CTNND2: variants seen among roughly 807,000 people sequenced by gnomAD.
The protein encoded by CTNND2 is catenin delta 2, also known as catenin delta-2.
A neutral mutation model predicts 144.4 loss-of-function variants in CTNND2; 22 were observed. That is an observed-to-expected ratio of 0.15 (90% confidence interval 0.11 to 0.22). The LOEUF is 0.22. Ranked by LOEUF, CTNND2 falls within the 10% of genes least tolerant of loss-of-function variation. The probability of loss-of-function intolerance (pLI) is 1.00; values close to 1 mark genes in which losing one functional copy is unlikely to be tolerated. For missense variants in CTNND2, 1,353 were observed against 1,618.8 expected, an observed-to-expected ratio of 0.84 and a Z score of 2.82; for synonymous variants, 751 against 695.6, an observed-to-expected ratio of 1.08 and a Z score of -1.25.
intron 1 of CTNND2, among the ~76,000 whole-genome samples, chr5:11,816,154 C>T (rs1353478887): frequency 6.6e-6 from 1 of 152,216 alleles, no homozygotes; most frequent in Non-Finnish European, 1.5e-5. Flanking sequence ...AACCTACAAA[C>T]ACATGCAGTG....
At chr5:11,105,196 G>A (rs889291647) in intron 14 of CTNND2, among the ~76,000 whole-genome samples, 3 of 152,220 alleles carry the variant, frequency 2.0e-5, no homozygotes, top group Admixed American at 6.5e-5. Context: ...GGAAACCTGG[G>A]ACATGGCCGT....
chr5:11,123,739 C>A (rs77406043), intron 12 of CTNND2, among the ~76,000 whole-genome samples: 1 of 152,230 alleles, frequency 6.6e-6, no homozygotes, highest in African/African-American at 2.4e-5. Context: ...TGGTCTCCAG[C>A]TGATGAGAAC....
chr5:11,453,494 T>C (rs1375660433), intron 3 of CTNND2, among the ~76,000 whole-genome samples: 1 of 152,178 alleles, frequency 6.6e-6, no homozygotes, highest in Non-Finnish European at 1.5e-5. Flanking sequence ...TCACTGGAAA[T>C]TTTTTCATTG....
chr5:11,007,271 C>G (rs145736698), intron 18 of CTNND2, among the ~76,000 whole-genome samples: 25 of 152,332 alleles, frequency 1.6e-4, no homozygotes, highest in African/African-American at 5.5e-4. Context: ...GGTACTATCG[C>G]ATAGACTGGC....
chr5:11,844,526 T>C (rs929277649), intron 1 of CTNND2, among the ~76,000 whole-genome samples: 5 of 152,154 alleles, frequency 3.3e-5, no homozygotes, highest in South Asian at 4.1e-4. Context: ...ACTTACTTCA[T>C]TCCATTCTGA....
intron 3 of CTNND2, among the ~76,000 whole-genome samples, chr5:11,443,319 GCATGTGTGT>G (rs1764481191): frequency 1.2e-5 from 1 of 84,790 alleles, no homozygotes; most frequent in African/African-American, 4.7e-5. Flanking sequence ...TGGTGTGTGT[GCATGTGTGT>G]GTGGTGTGTG....
At chr5:11,762,577 T>C (rs1216049277) in intron 1 of CTNND2, among the ~76,000 whole-genome samples, 2 of 152,212 alleles carry the variant, frequency 1.3e-5, no homozygotes, top group African/African-American at 4.8e-5. Flanking sequence ...AAATGAAAGC[T>C]TGCTTTAAGA....
chr5:11,796,159 G>A (rs1168617517), intron 1 of CTNND2, among the ~76,000 whole-genome samples: 2 of 152,282 alleles, frequency 1.3e-5, no homozygotes, highest in African/African-American at 4.8e-5. Context: ...CCGAGAGGAT[G>A]AACTAGTTCC....
At chr5:11,218,838 T>A (rs1197779329) in intron 10 of CTNND2, among the ~76,000 whole-genome samples, 1 of 152,040 alleles carries the variant, frequency 6.6e-6, no homozygotes, top group Non-Finnish European at 1.5e-5. Flanking sequence ...TCCCAGAAAA[T>A]CCATCTTGTT....
intron 3 of CTNND2, among the ~76,000 whole-genome samples, chr5:11,552,441 T>C (rs777848452): frequency 1.9e-4 from 29 of 152,232 alleles, no homozygotes; most frequent in Non-Finnish European, 3.7e-4. Context: ...AGATAATTCA[T>C]CTGCTTTCCT....
chr5:11,298,317 T>C (rs1195826667), intron 9 of CTNND2, among the ~76,000 whole-genome samples: 1 of 152,128 alleles, frequency 6.6e-6, no homozygotes, highest in Non-Finnish European at 1.5e-5. Context: ...ACTACAGGTA[T>C]GCACCACCAT....
intron 3 of CTNND2, among the ~76,000 whole-genome samples, chr5:11,557,779 C>A (rs1472573764): frequency 6.6e-6 from 1 of 152,160 alleles, no homozygotes; most frequent in East Asian, 1.9e-4. Context: ...GGGAATCTTG[C>A]TGGACACCTT....
intron 18 of CTNND2, among the ~76,000 whole-genome samples, chr5:11,017,603 C>CATATAT (rs55835829): frequency 1.8e-4 from 18 of 99,958 alleles, no homozygotes; most frequent in African/African-American, 9.1e-4. Context: ...TATATCTTTC[C>CATATAT]ATATATATAT....
At chr5:11,002,505 G>A (rs1008001508) in intron 18 of CTNND2, among the ~76,000 whole-genome samples, 4 of 152,216 alleles carry the variant, frequency 2.6e-5, no homozygotes, top group African/African-American at 9.6e-5. Flanking sequence ...CCATGTAATA[G>A]AGTTTAGAGA....
intron 3 of CTNND2, among the ~76,000 whole-genome samples, chr5:11,477,626 A>C (rs190273559): frequency 3.5e-4 from 53 of 152,144 alleles, no homozygotes; most frequent in African/African-American, 1.1e-3. Context: ...TGTTGCCCAG[A>C]CTGGTCTCAA....
At position 11,642,439 on chromosome 5, in the gene CTNND2, G is replaced by A. The variant is rs139883994; in HGVS notation, c.175-77383C>T. ...AGGTGCTTTGAGAGGGTGGCGCTGC[G>A]AAAAGAATTGGAGGAGATGATGAAG... On this transcript the variant is annotated intron_variant, in intron 2 of 21. Coordinates refer to ENST00000304623, the MANE Select transcript of CTNND2 (RefSeq NM_001332.4). Among the ~76,000 whole-genome samples the A allele has an allele frequency of 4.8e-3, 736 of 152,334 alleles. 3 individuals are homozygous for A. The highest frequency in any genetic ancestry group is 0.017 in the African/African-American group (698 of 41,574).
In CTNND2 at chr5:11,384,984, G is replaced by C; in HGVS notation, c.858C>G (p.Ala286=). Residue 286 remains alanine, a synonymous_variant, in exon 7 of 22, where the codon GCC becomes GCG. Coordinates refer to ENST00000304623, the MANE Select transcript of CTNND2 (RefSeq NM_001332.4). This position sits in a 1 kb window ranked among gnomAD's most constrained non-coding sequence, Gnocchi z 5.2. The part of the protein sequence containing the change: ...SPTKLQRGGS[A]PEGATYAAPR... Reference sequence around the variant, plus strand: ...GCGCGGCGTAGGTGGCGCCCTCGGGGGCCGAGCCGCCGCGCTGCAGCTTGG... The same window carrying C: ...GCGCGGCGTAGGTGGCGCCCTCGGGCGCCGAGCCGCCGCGCTGCAGCTTGG... 6 of 1,525,780 alleles carry C rather than the reference G, an allele frequency of 3.9e-6. No homozygotes were observed. The highest frequency in any genetic ancestry group is 5.3e-6 in the Non-Finnish European group (6 of 1,142,148). 94.5% of individuals were successfully genotyped at this position (1,525,780 alleles called of 1,614,324 possible).
In CTNND2 at chr5:11,384,335, AC is replaced by A. The variant is rs1187687280; in HGVS notation, c.1177+329del. Among the ~76,000 whole-genome samples, 4 of 152,228 alleles carry A rather than the reference AC, an allele frequency of 2.6e-5. No homozygotes were observed. The highest frequency in any genetic ancestry group is 9.6e-5 in the African/African-American group (4 of 41,462). ...TTTGCTTTTTTTCTGGATACCATCA[AC>A]AGGTCTATGGGATGCTTTCCTAAAT... is the stretch of plus-strand genomic sequence containing the variant. On this transcript the variant is annotated intron_variant, in intron 7 of 21. Coordinates refer to ENST00000304623, the MANE Select transcript of CTNND2 (RefSeq NM_001332.4). The surrounding 1 kb of genome is among the most constrained non-coding windows in gnomAD (Gnocchi z 5.2).
In CTNND2 at chr5:11,904,376, C is replaced by T. The variant is rs1416707203; in HGVS notation, c.-523G>A. 6.6e-6 allele frequency among the ~76,000 whole-genome samples: 1 copy of T among 151,150 alleles called. No homozygotes were observed. The highest frequency in any genetic ancestry group is 1.5e-5 in the Non-Finnish European group (1 of 67,712). On this transcript the variant is annotated 5_prime_UTR_variant, in exon 1 of 22. Transcript: ENST00000304623. The surrounding 1 kb of genome is among the most constrained non-coding windows in gnomAD (Gnocchi z 4.2). ...CGGCAGCCTCAGCCTCCACCTAAACCTCGGCGGCCGGCCCGGGCGCCCGGC... is the reference window on the plus strand; with the variant it reads ...CGGCAGCCTCAGCCTCCACCTAAACTTCGGCGGCCGGCCCGGGCGCCCGGC...
Sources: gnomAD v4.1 joint callset for allele counts (sites outside exome capture counted in the v4.1 genomes callset) on GRCh38, gnomAD v4.1.1 for gene constraint, Gnocchi (gnomAD v3.1) non-coding constraint, MANE v1.5 for transcripts, NCBI Gene and HGNC (gene_info 2026-07-23, HGNC 2026-07-21) for gene names.